The following SRBD1 variants were observed in gnomAD, a reference collection of about 807,000 sequenced individuals.
SRBD1 encodes the protein S1 RNA-binding domain-containing protein 1.
A neutral mutation model predicts 115.3 loss-of-function variants in SRBD1; 88 were observed. The ratio of observed to expected loss-of-function variants is 0.76; its 90% confidence interval spans 0.64 to 0.91. The LOEUF (loss-of-function observed/expected upper bound fraction) is 0.91, where lower values mean the gene tolerates loss of function less well. Among genes scored for constraint, SRBD1 ranks in the 40% least tolerant of loss-of-function variants. The pLI, the probability that SRBD1 is intolerant of heterozygous loss-of-function variation, is 0.00. For synonymous variants in SRBD1, 509 were observed against 407.7 expected (o/e 1.25, Z -2.99); for missense variants, 1,385 against 1,177.4 (o/e 1.18, Z -2.58).
At chr2:45,491,430 A>T (rs911126129) in intron 14 of SRBD1, among the ~76,000 whole-genome samples, 1 of 152,232 alleles carries the variant, frequency 6.6e-6, no homozygotes, top group Non-Finnish European at 1.5e-5. Flanking sequence ...AGCAGAATTT[A>T]TCATCTGGGG....
chr2:45,519,453 G>A (rs1216155511), intron 14 of SRBD1, among the ~76,000 whole-genome samples: 1 of 152,160 alleles, frequency 6.6e-6, no homozygotes, highest in East Asian at 1.9e-4. Context: ...CAAGGACCCA[G>A]GTGCTGGCCA....
chr2:45,560,973 G>A (rs902328777), intron 10 of SRBD1, among the ~76,000 whole-genome samples: 5 of 151,674 alleles, frequency 3.3e-5, no homozygotes, highest in African/African-American at 1.2e-4. Flanking sequence ...TTTAGCCAGC[G>A]GTATGCACCT....
chr2:45,428,551 C>CA (rs1295341050), intron 16 of SRBD1, among the ~76,000 whole-genome samples: 4 of 144,796 alleles, frequency 2.8e-5, no homozygotes, highest in African/African-American at 1.1e-4. Flanking sequence ...GACTCCGTCT[C>CA]AAAAAAATAA....
chr2:45,535,517 A>G (rs1671738985), intron 14 of SRBD1, among the ~76,000 whole-genome samples: 1 of 152,124 alleles, frequency 6.6e-6, no homozygotes, highest in South Asian at 2.1e-4. Flanking sequence ...CTGGAACAAC[A>G]AAATAACATC....
intron 15 of SRBD1, among the ~76,000 whole-genome samples, chr2:45,485,767 G>A (rs1487203471): frequency 2.0e-5 from 3 of 152,098 alleles, no homozygotes; most frequent in Non-Finnish European, 4.4e-5. Flanking sequence ...CACACTCGTA[G>A]GTAGCTCAGA....
chr2:45,521,237 C>G (rs1671272542), intron 14 of SRBD1, among the ~76,000 whole-genome samples: 1 of 150,648 alleles, frequency 6.6e-6, no homozygotes, highest in Non-Finnish European at 1.5e-5. Flanking sequence ...GGGGAAAGTG[C>G]CAGTTCCACA....
At chr2:45,580,126 C>T (rs1410796464) in intron 6 of SRBD1, 113 bp from the exon 7 acceptor site, 1 of 875,920 alleles carries the variant, frequency 1.1e-6, no homozygotes, top group Non-Finnish European at 1.6e-6. Context: ...TTTTCTCAAT[C>T]TTTTCCTCTT....
chr2:45,518,016 G>A (rs1446827917), intron 14 of SRBD1, among the ~76,000 whole-genome samples: 2 of 151,974 alleles, frequency 1.3e-5, no homozygotes, highest in Non-Finnish European at 2.9e-5. Context: ...TGATGATGAT[G>A]ATAATTCAAA....
chr2:45,448,998 C>A (rs2103735704), intron 16 of SRBD1, among the ~76,000 whole-genome samples: 1 of 152,118 alleles, frequency 6.6e-6, no homozygotes, highest in East Asian at 1.9e-4. Context: ...AAATGTGAAC[C>A]CAGCTTTTAA....
chr2:45,597,639 C>A lies in SRBD1; in HGVS notation c.648+1810G>T, dbSNP rs925552659. ...ATAGAGAGAAAACTAACAGCACCTT[C>A]TCTGAGTCCTCACAGTTTCCAATTT... On this transcript the variant is annotated intron_variant, in intron 4 of 20. Coordinates refer to ENST00000263736, the MANE Select transcript of SRBD1 (RefSeq NM_018079.5). Among the ~76,000 whole-genome samples the A allele has an allele frequency of 2.6e-5, 4 of 152,194 alleles. No individual in the cohort carries two copies. The East Asian group carries it at 7.7e-4, about 29-fold the overall frequency.
intron 16 of SRBD1, among the ~76,000 whole-genome samples, chr2:45,420,422 G>C (rs1667961326): frequency 6.6e-6 from 1 of 152,166 alleles, no homozygotes; most frequent in African/African-American, 2.4e-5. Context: ...TCATCAAATT[G>C]AAGACAGTAC....
chr2:45,579,458 G>A (rs1673277686), intron 7 of SRBD1, among the ~76,000 whole-genome samples: 1 of 152,058 alleles, frequency 6.6e-6, no homozygotes, highest in Non-Finnish European at 1.5e-5. Flanking sequence ...CTTGGGATAT[G>A]AAGGAATTTC....
intron 4 of SRBD1, among the ~76,000 whole-genome samples, chr2:45,596,988 TCACA>T (rs36095012): frequency 4.5e-4 from 64 of 140,928 alleles, no homozygotes; most frequent in African/African-American, 9.4e-4. Flanking sequence ...CCCACAACCC[TCACA>T]CACACACACA....
chr2:45,464,221 T>C (rs1669411431), intron 16 of SRBD1, among the ~76,000 whole-genome samples: 1 of 152,170 alleles, frequency 6.6e-6, no homozygotes, highest in Admixed American at 6.6e-5. Flanking sequence ...TTCAACTACA[T>C]GGCCATTCTA....
intron 14 of SRBD1, among the ~76,000 whole-genome samples, chr2:45,521,619 A>G (rs10199920): frequency 0.08 from 12,148 of 152,188 alleles, 836 homozygotes; most frequent in African/African-American, 0.19. Flanking sequence ...ATCAAAATAT[A>G]CAATTTGATT....
intron 14 of SRBD1, among the ~76,000 whole-genome samples, chr2:45,504,241 G>A (rs539695252): frequency 2.4e-4 from 36 of 151,972 alleles, no homozygotes; most frequent in Non-Finnish European, 4.9e-4. Context: ...TTTTCCACGT[G>A]CCACTTAAAG....
At position 45,605,395 on chromosome 2, in the gene SRBD1, A is replaced by T; in HGVS notation, c.47T>A (p.Val16Glu). The T allele has an allele frequency of 1.2e-6, 2 of 1,613,788 alleles. No individual in the cohort carries two copies. The highest frequency in any genetic ancestry group is 1.7e-6 in the Non-Finnish European group (2 of 1,179,988). Residue 16 changes from valine (V) to glutamate (E), a missense_variant, in exon 2 of 21, where the codon GTA becomes GAA. By Grantham distance (121) the Val-to-Glu change is moderately radical (BLOSUM62 -2). Transcript: ENST00000263736. The part of the protein sequence containing the change: ...RRAKVQVQDV[V>E]LKDEFSSFSE... ...GAATGAAGAAAATTCATCTTTCAGT[A>T]CCACATCCTGGACCTGTACTTTCGC...
chr2:45,453,065 T>C (rs938544438), intron 16 of SRBD1, among the ~76,000 whole-genome samples: 1 of 151,846 alleles, frequency 6.6e-6, no homozygotes, highest in African/African-American at 2.4e-5. Context: ...CCTCACCGAA[T>C]AGCAATTTGT....
intron 17 of SRBD1, among the ~76,000 whole-genome samples, chr2:45,419,168 T>C (rs1667924801): frequency 6.6e-6 from 1 of 152,180 alleles, no homozygotes; most frequent in African/African-American, 2.4e-5. Flanking sequence ...ATCAACAACT[T>C]AAAATGTAAG....
Sources: gnomAD v4.1 joint callset for allele counts (sites outside exome capture counted in the v4.1 genomes callset) on GRCh38, gnomAD v4.1.1 for gene constraint, MANE v1.5 for transcripts, NCBI Gene and HGNC (gene_info 2026-07-23, HGNC 2026-07-21) for gene names.